ARHGEF4: variants seen among roughly 807,000 people sequenced by gnomAD.
ARHGEF4 encodes the protein Rho guanine nucleotide exchange factor 4, also known as APC-stimulated guanine nucleotide exchange factor 1.
A neutral mutation model predicts 162.0 loss-of-function variants in ARHGEF4; 119 were observed. The observed-to-expected ratio is 0.73, with a 90% confidence interval of 0.63 to 0.86. The LOEUF (loss-of-function observed/expected upper bound fraction) is 0.86. Among genes scored for constraint, ARHGEF4 ranks in the 40% least tolerant of loss-of-function variants. The pLI is 0.00. For missense variants in ARHGEF4, 2,488 were observed against 2,456.0 expected, an observed-to-expected ratio of 1.01 and a Z score of -0.28; for synonymous variants, 1,014 against 979.9, an observed-to-expected ratio of 1.03 and a Z score of -0.65.
At chr2:131,015,735 A>C (rs1402816914) in intron 4 of ARHGEF4, among the ~76,000 whole-genome samples, 1 of 152,224 alleles carries the variant, frequency 6.6e-6, no homozygotes, top group Non-Finnish European at 1.5e-5. Context: ...AAAAATAGAA[A>C]CAAACTCAGT....
intron 4 of ARHGEF4, among the ~76,000 whole-genome samples, chr2:130,972,082 T>A (rs567246846): frequency 6.6e-6 from 1 of 152,336 alleles, no homozygotes; most frequent in African/African-American, 2.4e-5. Context: ...AACATCATTC[T>A]CAAATAAGTC....
At chr2:130,897,996 A>G (rs1314560138) in intron 1 of ARHGEF4, among the ~76,000 whole-genome samples, 1 of 152,210 alleles carries the variant, frequency 6.6e-6, no homozygotes, top group Non-Finnish European at 1.5e-5. Context: ...ACACATGGTG[A>G]GTGTGCCAGA....
At chr2:130,986,099 ATT>A (rs1415395111) in intron 4 of ARHGEF4, among the ~76,000 whole-genome samples, 2 of 149,552 alleles carry the variant, frequency 1.3e-5, no homozygotes, top group Non-Finnish European at 3.0e-5. Context: ...TGTTGTGTCT[ATT>A]GTGTGTGCAT....
intron 1 of ARHGEF4, among the ~76,000 whole-genome samples, chr2:130,909,110 G>A (rs1210647881): frequency 6.6e-6 from 1 of 152,186 alleles, no homozygotes; most frequent in Non-Finnish European, 1.5e-5. Context: ...AGGTTCTTGA[G>A]CAGTTGAACG....
intron 5 of ARHGEF4, among the ~76,000 whole-genome samples, chr2:131,028,335 C>A (rs1485644858): frequency 6.6e-6 from 1 of 152,190 alleles, no homozygotes; most frequent in Non-Finnish European, 1.5e-5. Flanking sequence ...GCGTGCTGGT[C>A]CACCTTATGG....
intron 10 of ARHGEF4, among the ~76,000 whole-genome samples, chr2:131,042,852 G>C (rs554206297): frequency 2.0e-5 from 3 of 152,264 alleles, no homozygotes; most frequent in South Asian, 4.1e-4. Context: ...GAAGCCCAAG[G>C]GTGGATGATG....
At chr2:130,896,762 A>G (rs1241291865) in intron 1 of ARHGEF4, among the ~76,000 whole-genome samples, 2 of 152,206 alleles carry the variant, frequency 1.3e-5, no homozygotes, top group Admixed American at 1.3e-4. Flanking sequence ...TAGAAGGGCC[A>G]GGAAGAAGTA....
intron 1 of ARHGEF4, among the ~76,000 whole-genome samples, chr2:130,844,760 A>C (rs1574082588): frequency 6.6e-6 from 1 of 152,032 alleles, no homozygotes; most frequent in East Asian, 1.9e-4. Flanking sequence ...GAGAGCACCC[A>C]ACAACTATTA....
At chr2:130,884,257 C>T (rs867866433) in intron 1 of ARHGEF4, among the ~76,000 whole-genome samples, 1 of 151,860 alleles carries the variant, frequency 6.6e-6, no homozygotes, top group Non-Finnish European at 1.5e-5. Flanking sequence ...TACACATGCA[C>T]ACACACGTGC....
At chr2:130,912,637 G>A (rs963939179) in intron 1 of ARHGEF4, among the ~76,000 whole-genome samples, 4 of 152,132 alleles carry the variant, frequency 2.6e-5, no homozygotes, top group African/African-American at 9.7e-5. Context: ...TTGTGTCAAG[G>A]AGCCTTCGTG....
At position 130,915,406 on chromosome 2, in the gene ARHGEF4, A is replaced by G. The variant is rs762387404; in HGVS notation, c.1460A>G (p.Glu487Gly). The change falls in exon 2 of 14, where the codon GAG becomes GGG. Residue 487 changes from glutamate (E) to glycine (G), a missense_variant. Transcript: ENST00000409359. Reference sequence around the variant, plus strand: ...GCACCAAGAGCTGCTGATGAGAGAGAGACACAGAAGCACCTCTGGGGCATT... The same window carrying G: ...GCACCAAGAGCTGCTGATGAGAGAGGGACACAGAAGCACCTCTGGGGCATT... ...QLAPRAADER[E>G]TQKHLWGISV... 1 of 1,550,616 alleles carries G rather than the reference A, an allele frequency of 6.4e-7. No individual in the cohort carries two copies. Among genetic ancestry groups the G allele is most frequent in the South Asian group, 1.2e-5 (1 of 84,060 alleles).
At chr2:130,906,495 C>A (rs192234103) in intron 1 of ARHGEF4, among the ~76,000 whole-genome samples, 1 of 152,298 alleles carries the variant, frequency 6.6e-6, no homozygotes, top group African/African-American at 2.4e-5. Flanking sequence ...AACTCCAACC[C>A]AGCACCACAG....
intron 4 of ARHGEF4, among the ~76,000 whole-genome samples, chr2:131,004,468 T>C (rs1223391232): frequency 2.0e-5 from 3 of 152,156 alleles, no homozygotes; most frequent in Non-Finnish European, 4.4e-5. Flanking sequence ...CCCAGCCCTC[T>C]CTGTTTTTTA....
At chr2:130,886,381 A>G (rs922920371) in intron 1 of ARHGEF4, among the ~76,000 whole-genome samples, 1 of 151,976 alleles carries the variant, frequency 6.6e-6, no homozygotes, top group Non-Finnish European at 1.5e-5. Context: ...AAAGATTTTT[A>G]TAAGATTGGA....
chr2:130,930,975 A>T lies in ARHGEF4; in HGVS notation c.3576A>T (p.Pro1192=). ...AGAACCACATGCCCTGGGAAGAACC[A>T]GCAGGTGAGAAGCCCAGTTGCTCTC... ...GSENHMPWEE[P]AGEKPSCSHS... The change falls in exon 3 of 14, where the codon CCA becomes CCT. Residue 1192 remains proline, a synonymous_variant. Coordinates refer to ENST00000409359, the MANE Select transcript of ARHGEF4 (RefSeq NM_001367493.1). 1 of 1,609,728 alleles carries T rather than the reference A, an allele frequency of 6.2e-7. No individual in the cohort carries two copies. Among genetic ancestry groups the T allele is most frequent in the Non-Finnish European group, 8.5e-7 (1 of 1,176,512 alleles).
At chr2:131,000,410 C>T (rs1316326720) in intron 4 of ARHGEF4, among the ~76,000 whole-genome samples, 1 of 152,026 alleles carries the variant, frequency 6.6e-6, no homozygotes, top group African/African-American at 2.4e-5. Context: ...TGTTGTGTTT[C>T]TTTTGTCTTA....
intron 1 of ARHGEF4, among the ~76,000 whole-genome samples, chr2:130,844,661 C>T (rs1390058272): frequency 6.6e-6 from 1 of 152,072 alleles, no homozygotes; most frequent in Non-Finnish European, 1.5e-5. Flanking sequence ...TCCCATAGAG[C>T]TCTGTGCCCT....
chr2:130,905,105 A>G (rs1680738505), intron 1 of ARHGEF4, among the ~76,000 whole-genome samples: 1 of 77,020 alleles, frequency 1.3e-5, no homozygotes, highest in African/African-American at 3.7e-5. Flanking sequence ...AAAAAGTATT[A>G]TTTATTTTTT....
At chr2:131,039,093 A>G in intron 6 of ARHGEF4, 61 bp downstream of exon 6, 1 of 1,511,608 alleles carries the variant, frequency 6.6e-7, no homozygotes, top group South Asian at 1.3e-5. Context: ...CTGGTTCTGC[A>G]GAGAAATCCA....
Sources: allele counts gnomAD v4.1 joint callset (sites outside exome capture counted in the v4.1 genomes callset), GRCh38; gene constraint gnomAD v4.1.1; transcripts MANE v1.5; gene names NCBI Gene and HGNC (gene_info 2026-07-23, HGNC 2026-07-21).